GALNT16: variants seen among roughly 807,000 people sequenced by gnomAD.
GALNT16 encodes the protein UDP-GalNAc:polypeptide N-acetylgalactosaminyltransferase-like protein 1.
Under a neutral mutation model 76.1 loss-of-function variants are expected in GALNT16, and 40 were observed. That is an observed-to-expected ratio of 0.53 (90% confidence interval 0.41 to 0.68). GALNT16 has a LOEUF of 0.68. Ranked by LOEUF, GALNT16 falls within the 30% of genes least tolerant of loss-of-function variation. The probability of loss-of-function intolerance (pLI) is 0.00; values close to 1 mark genes in which losing one functional copy is unlikely to be tolerated. For missense variants in GALNT16, 621 were observed against 731.9 expected (o/e 0.85, Z 1.75); for synonymous variants, 276 against 285.2 (o/e 0.97, Z 0.32).
intron 1 of GALNT16, among the ~76,000 whole-genome samples, chr14:69,293,896 CT>C (rs879765693): frequency 0.035 from 5,154 of 146,028 alleles, 262 homozygotes; most frequent in African/African-American, 0.12. Flanking sequence ...AGAACCCATA[CT>C]TTTTTTTTTT....
chr14:69,346,308 A>G (rs1307145222), intron 12 of GALNT16, among the ~76,000 whole-genome samples: 1 of 152,176 alleles, frequency 6.6e-6, no homozygotes, highest in Non-Finnish European at 1.5e-5. Context: ...AATATAATCA[A>G]CCACTCTGAG....
chr14:69,334,975 G>C (rs990584422), intron 9 of GALNT16, among the ~76,000 whole-genome samples: 1 of 152,140 alleles, frequency 6.6e-6, no homozygotes, highest in Non-Finnish European at 1.5e-5. Flanking sequence ...TTCCTGACCA[G>C]GTGTTCTGAG....
chr14:69,337,646 G>T (rs910395524), intron 9 of GALNT16, among the ~76,000 whole-genome samples: 3 of 152,176 alleles, frequency 2.0e-5, no homozygotes, highest in Non-Finnish European at 2.9e-5. Context: ...GCAGACCTAG[G>T]GAAGCCCATT....
rs1452723808 is a variant in GALNT16 at position 69,261,024 on chromosome 14, A to G, written c.177+557A>G. On this transcript the variant is annotated intron_variant, in intron 1 of 14. Coordinates refer to ENST00000448469, the MANE Select transcript of GALNT16 (RefSeq NM_001168368.2). The surrounding 1 kb of genome is among the most constrained non-coding windows in gnomAD (Gnocchi z 6.4). The stretch of plus-strand genomic sequence containing the variant: ...TTGAACCCGCTTCTTCGGCGCGGAC[A>G]CCCAGCTTCCCCGGAGTTCTCTGGG... Among the ~76,000 whole-genome samples the G allele has an allele frequency of 6.6e-6, 1 of 152,088 alleles. No individual in the cohort carries two copies. The highest frequency in any genetic ancestry group is 6.5e-5 in the Admixed American group (1 of 15,270).
intron 1 of GALNT16, 158 bp downstream of exon 1, chr14:69,260,625 C>A: frequency 2.4e-6 from 1 of 411,662 alleles, no homozygotes; most frequent in Non-Finnish European, 3.8e-6. Flanking sequence ...GTTGTTATGG[C>A]AACCTCTGCC....
rs144793846 is a variant in GALNT16 at position 69,325,404 on chromosome 14, C to A, written c.502C>A (p.Pro168Thr). 2 of 1,564,132 alleles carry A rather than the reference C, an allele frequency of 1.3e-6. No homozygotes were observed. The highest frequency in any genetic ancestry group is 1.7e-5 in the Admixed American group (1 of 59,966). ...IILVDDFSSD[P>T]EDCLLLTRIP... ...TTTAGTGGATGACTTCAGCTCAGAT[C>A]GTGAGTAGTCACCTTCCTTTTTGCA... Residue 168 changes from proline (P) to threonine (T), a missense_variant and splice_region_variant, in exon 4 of 15, where the codon CCG becomes ACG. Physicochemically the swap from Pro to Thr is conservative, Grantham distance 38 (BLOSUM62 -1). Transcript: ENST00000448469.
At chr14:69,347,689 A>G (rs2045584462) in intron 13 of GALNT16, among the ~76,000 whole-genome samples, 188 bp from the exon 14 acceptor site, 1 of 152,200 alleles carries the variant, frequency 6.6e-6, no homozygotes, top group South Asian at 2.1e-4. Context: ...TTTATTACCA[A>G]AAAATTCAAA....
chr14:69,320,860 C>T lies in GALNT16; in HGVS notation c.327C>T (p.Arg109=), dbSNP rs368588558. The part of the protein sequence containing the change: ...LSPDRPIRDT[R]HYSCPSVSYS... ...CAGACCGGCCCATCCGGGACACCCG[C>T]CATTACAGGTACGGCCTCCATCGTG... Residue 109 remains arginine, a synonymous_variant, in exon 2 of 15, where the codon CGC becomes CGT. Coordinates refer to ENST00000448469, the MANE Select transcript of GALNT16 (RefSeq NM_001168368.2). 1 of 1,613,812 alleles carries T rather than the reference C, an allele frequency of 6.2e-7. No homozygotes were observed. The highest frequency in any genetic ancestry group is 1.3e-5 in the African/African-American group (1 of 74,930).
At chr14:69,269,060 T>C (rs1324206837) in intron 1 of GALNT16, among the ~76,000 whole-genome samples, 1 of 152,246 alleles carries the variant, frequency 6.6e-6, no homozygotes, top group Admixed American at 6.5e-5. Context: ...GTCAGGGAAC[T>C]GTGTCATTCA....
chr14:69,264,474 G>A (rs1028136396), intron 1 of GALNT16, among the ~76,000 whole-genome samples: 6 of 152,150 alleles, frequency 3.9e-5, no homozygotes, highest in Non-Finnish European at 8.8e-5. Flanking sequence ...GTCAGTGGAA[G>A]GTCCCACAGG....
chr14:69,379,677 C>T, the GALNT16 span, among the ~76,000 whole-genome samples: 3 of 152,108 alleles, frequency 2.0e-5, no homozygotes, highest in Non-Finnish European at 2.9e-5. Flanking sequence ...AAAACAACAA[C>T]AAAAAAGAGA....
At chr14:69,325,810 C>T (rs2045274756) in intron 4 of GALNT16, 152 bp from the exon 5 acceptor site, 1 of 666,376 alleles carries the variant, frequency 1.5e-6, no homozygotes, top group Non-Finnish European at 2.7e-6. Context: ...GGCAGGGCAA[C>T]CCTTCGGCCA....
chr14:69,275,551 A>C (rs954447951), intron 1 of GALNT16, among the ~76,000 whole-genome samples: 1 of 152,240 alleles, frequency 6.6e-6, no homozygotes, highest in Non-Finnish European at 1.5e-5. Flanking sequence ...GCACATATAC[A>C]TCTCAAAGTA....
At chr14:69,338,832 C>T in intron 10 of GALNT16, 55 bp downstream of exon 10, 2 of 1,452,316 alleles carry the variant, frequency 1.4e-6, no homozygotes, top group East Asian at 2.3e-5. Flanking sequence ...AGGCCCAAGC[C>T]CCCAGCCTTG....
rs117175731 is a variant in GALNT16, at chr14:69,279,926, A to G, written c.177+19459A>G. 7.3e-3 allele frequency among the ~76,000 whole-genome samples: 1,116 copies of G among 152,376 alleles called. 6 individuals carry two copies. The highest frequency in any genetic ancestry group is 0.012 in the Non-Finnish European group (792 of 68,028). On this transcript the variant is annotated intron_variant, in intron 1 of 14. Coordinates refer to ENST00000448469, the MANE Select transcript of GALNT16 (RefSeq NM_001168368.2). ...ATTCTGTTCCCAAGCCACACAGACT[A>G]CAGGAGAGCCCAGCCTAGAATAACC...
intron 14 of GALNT16, chr14:69,350,499 AG>A (rs772917563): frequency 2.0e-5 from 3 of 152,242 alleles, no homozygotes; most frequent in African/African-American, 2.4e-5. Flanking sequence ...AAGAAACAGG[AG>A]GGGGGATCCA....
the GALNT16 span, among the ~76,000 whole-genome samples, chr14:69,374,496 T>TC: frequency 3.1e-3 from 475 of 152,304 alleles, 4 homozygotes; most frequent in African/African-American, 0.011. Flanking sequence ...AAAAGCAGTA[T>TC]GTGTAGGATG....
At chr14:69,315,296 T>C (rs752809865) in intron 1 of GALNT16, among the ~76,000 whole-genome samples, 27 of 152,224 alleles carry the variant, frequency 1.8e-4, no homozygotes, top group Non-Finnish European at 3.2e-4. Flanking sequence ...CTTAAACCAT[T>C]TCAGATGTGA....
At chr14:69,372,569 C>T in the GALNT16 span, among the ~76,000 whole-genome samples, 1 of 141,958 alleles carries the variant, frequency 7.0e-6, no homozygotes, top group Non-Finnish European at 1.5e-5. Context: ...GATCTCGGCT[C>T]ACTGCAACCT....
Sources: gnomAD v4.1 joint callset for allele counts (sites outside exome capture counted in the v4.1 genomes callset) on GRCh38, gnomAD v4.1.1 for gene constraint, Gnocchi (gnomAD v3.1) non-coding constraint, MANE v1.5 for transcripts, NCBI Gene and HGNC (gene_info 2026-07-23, HGNC 2026-07-21) for gene names.